The following CDH23 variants were observed in gnomAD, a reference collection of about 807,000 sequenced individuals.
The protein encoded by CDH23 is cadherin related 23.
Under a neutral mutation model 317.1 loss-of-function variants are expected in CDH23, and 189 were observed. The ratio of observed to expected loss-of-function variants is 0.60; its 90% CI spans 0.53 to 0.67. CDH23 has a LOEUF of 0.67. CDH23 is among the 30% of genes least tolerant of loss of function. The pLI is 0.00. For missense variants in CDH23, 4,401 were observed against 4,592.4 expected, an observed-to-expected ratio of 0.96 and a Z score of 1.20; for synonymous variants, 1,839 against 1,876.8, an observed-to-expected ratio of 0.98 and a Z score of 0.52.
Position 71,510,116 on chromosome 10 carries a change from G to A in CDH23, c.180G>A (p.Met60Ile). The A allele has an allele frequency of 6.2e-7, 1 of 1,614,032 alleles. No individual in the cohort carries two copies. The highest frequency in any genetic ancestry group is 8.5e-7 in the Non-Finnish European group (1 of 1,179,894). Reference protein sequence around the residue: ...SSVTQLLAQDMDNDPLVFGVS... With the variant: ...SSVTQLLAQDIDNDPLVFGVS... ...TGACCCAGTTGCTGGCCCAAGACAT[G>A]GACAATGACCCCCTGGTGTTTGGCG... is the stretch of plus-strand genomic sequence containing the variant. The change falls in exon 4 of 70, where the codon ATG becomes ATA. Residue 60 changes from methionine to isoleucine, a missense_variant. Met to Ile is a conservative substitution (Grantham distance 10). Around this residue, in one of 3 missense-constraint regions of CDH23, gnomAD observed 3,068 missense variants for 3,203.3 expected, o/e 0.96. Transcript: ENST00000224721.
chr10:71,713,003 C>T (rs1043840380), intron 28 of CDH23, 190 bp downstream of exon 28: 22 of 767,714 alleles, frequency 2.9e-5, no homozygotes, highest in Non-Finnish European at 4.8e-5. Flanking sequence ...AGTGTGGGCC[C>T]CCAGGTTGCA....
chr10:71,773,689 C>G (rs1442436998), intron 38 of CDH23, among the ~76,000 whole-genome samples: 1 of 152,210 alleles, frequency 6.6e-6, no homozygotes, highest in Non-Finnish European at 1.5e-5. Flanking sequence ...GCGTGCGTCC[C>G]AGCGAGTCAG....
chr10:71,501,794 G>A (rs981786308), intron 3 of CDH23, among the ~76,000 whole-genome samples: 2 of 152,230 alleles, frequency 1.3e-5, no homozygotes, highest in African/African-American at 4.8e-5. Flanking sequence ...CAGGGAGAGT[G>A]GGAGGGCAGG....
chr10:71,795,438 T>A (rs545325763), intron 48 of CDH23: 1 of 152,224 alleles, frequency 6.6e-6, no homozygotes, highest in Non-Finnish European at 1.5e-5. Flanking sequence ...TCCACGTCCC[T>A]ACTCAACTTG....
At chr10:71,644,481 T>G (rs953903250) in intron 12 of CDH23, among the ~76,000 whole-genome samples, 1 of 152,236 alleles carries the variant, frequency 6.6e-6, no homozygotes, top group Non-Finnish European at 1.5e-5. Flanking sequence ...CCCATGAATC[T>G]TGTGAACTCT....
At chr10:71,515,394 T>TCACACACA (rs377079980) in intron 6 of CDH23, among the ~76,000 whole-genome samples, 26 of 26,626 alleles carry the variant, frequency 9.8e-4, no homozygotes, top group African/African-American at 2.1e-3. Flanking sequence ...TCTCTCTCTC[T>TCACACACA]CACACACACA....
intron 3 of CDH23, among the ~76,000 whole-genome samples, chr10:71,505,159 G>A (rs1853565153): frequency 6.6e-6 from 1 of 152,172 alleles, no homozygotes; most frequent in African/African-American, 2.4e-5. Context: ...TAGGGAGTGA[G>A]GAAGTGAGAC....
At chr10:71,607,189 T>A (rs1860578239) in intron 9 of CDH23, among the ~76,000 whole-genome samples, 1 of 152,234 alleles carries the variant, frequency 6.6e-6, no homozygotes, top group African/African-American at 2.4e-5. Context: ...TGGACAGCGA[T>A]GGGCCTGCAA....
chr10:71,776,338 C>T (rs1237955235), intron 38 of CDH23, among the ~76,000 whole-genome samples: 2 of 152,198 alleles, frequency 1.3e-5, no homozygotes, highest in African/African-American at 4.8e-5. Context: ...CCAGAGCCAG[C>T]CAGTCCCAAG....
chr10:71,761,647 G>A (rs781273917), intron 38 of CDH23: 5 of 1,612,672 alleles, frequency 3.1e-6, no homozygotes, highest in Admixed American at 1.7e-5. Context: ...GCTCCGAGTG[G>A]TGGTGCCTGA....
At chr10:71,410,770 G>A (rs1281293523) in intron 1 of CDH23, among the ~76,000 whole-genome samples, 6 of 152,118 alleles carry the variant, frequency 3.9e-5, no homozygotes, top group African/African-American at 1.4e-4. Flanking sequence ...GTTTCCTTCT[G>A]CTTAACTTGT....
At chr10:71,738,867 C>T (rs769904201) in intron 35 of CDH23, among the ~76,000 whole-genome samples, 1 of 152,246 alleles carries the variant, frequency 6.6e-6, no homozygotes, top group Non-Finnish European at 1.5e-5. Context: ...ACATGGAGCC[C>T]GAAGGCCAGC....
At position 71,793,171 on chromosome 10, in the gene CDH23, C is replaced by T; in HGVS notation, c.6254-11C>T. 2 of 1,602,016 alleles carry T rather than the reference C, an allele frequency of 1.2e-6. No individual in the cohort carries two copies. Among genetic ancestry groups the T allele is most frequent in the Non-Finnish European group, 1.7e-6 (2 of 1,172,162 alleles). The stretch of plus-strand genomic sequence containing the variant: ...ACTGTGCGCAGCTACTCCCTTTTCC[C>T]TCTCCAACAGGATTCTCAGTCCTTC... On this transcript the variant is annotated splice_polypyrimidine_tract_variant and intron_variant, in intron 47 of 69. Transcript: ENST00000224721.
intron 38 of CDH23, among the ~76,000 whole-genome samples, chr10:71,770,707 C>T (rs995696216): frequency 2.6e-5 from 4 of 152,332 alleles, no homozygotes; most frequent in East Asian, 1.9e-4. Flanking sequence ...ACACTGTGTG[C>T]GGATAGGGAG....
chr10:71,577,663 G>A (rs1397731832), intron 8 of CDH23, among the ~76,000 whole-genome samples: 1 of 152,210 alleles, frequency 6.6e-6, no homozygotes, highest in Non-Finnish European at 1.5e-5. Context: ...ATTTGAATAA[G>A]GGATATGGGA....
intron 3 of CDH23, among the ~76,000 whole-genome samples, chr10:71,489,401 T>A (rs968197771): frequency 2.0e-5 from 3 of 152,236 alleles, no homozygotes; most frequent in Non-Finnish European, 4.4e-5. Context: ...ATATTTTGAT[T>A]CCTAAGGGCT....
chr10:71,769,776 G>T (rs1325290755), intron 38 of CDH23, among the ~76,000 whole-genome samples: 1 of 152,238 alleles, frequency 6.6e-6, no homozygotes, highest in Admixed American at 6.5e-5. Context: ...GGCTTGGTAA[G>T]TAGCAGAGCA....
chr10:71,788,214 A>T (rs543988155), intron 44 of CDH23, among the ~76,000 whole-genome samples: 29 of 151,646 alleles, frequency 1.9e-4, no homozygotes, highest in Non-Finnish European at 2.7e-4. Flanking sequence ...TGCCCAGCTA[A>T]TTTTTTTGTA....
In CDH23 at chr10:71,797,105, A is replaced by C. The variant is rs550370616; in HGVS notation, c.6714A>C (p.Gly2238=). The change falls in exon 49 of 70, where the codon GGA becomes GGC. Residue 2238 remains glycine, a splice_region_variant and synonymous_variant. Coordinates refer to ENST00000224721, the MANE Select transcript of CDH23 (RefSeq NM_022124.6). The part of the protein sequence containing the change: ...EDAFAVNINT[G]SVMVKSPMNR... ...AACCTGGCCTGGTCTGGTCCACAGG[A>C]TCTGTAATGGTGAAGTCCCCCATGA... The C allele has an allele frequency of 6.2e-7, 1 of 1,607,682 alleles. No individual in the cohort carries two copies. Among genetic ancestry groups the C allele is most frequent in the African/African-American group, 1.3e-5 (1 of 74,872 alleles).
Sources: gnomAD v4.1 joint callset for allele counts (sites outside exome capture counted in the v4.1 genomes callset) on GRCh38, gnomAD v4.1.1 for gene constraint, gnomAD v4.1.1 regional missense constraint, MANE v1.5 for transcripts, NCBI Gene and HGNC (gene_info 2026-07-23, HGNC 2026-07-21) for gene names.